The following HPSE2 variants were observed in gnomAD, a reference collection of about 807,000 sequenced individuals.
HPSE2 encodes heparanase 2 (inactive), also known as inactive heparanase-2.
Under a neutral mutation model 60.5 loss-of-function variants are expected in HPSE2, and 38 were observed. That is an observed-to-expected ratio of 0.63 (90% confidence interval 0.48 to 0.82). The LOEUF is 0.82. Ranked by LOEUF, HPSE2 falls within the 40% of genes least tolerant of loss-of-function variation. The pLI is 0.00. For synonymous variants in HPSE2, 295 were observed against 293.2 expected (o/e 1.01, Z -0.06); for missense variants, 713 against 740.4 (o/e 0.96, Z 0.43).
intron 9 of HPSE2, among the ~76,000 whole-genome samples, chr10:98,545,788 G>A (rs1357025252): frequency 6.6e-6 from 1 of 151,358 alleles, no homozygotes; most frequent in African/African-American, 2.4e-5. Flanking sequence ...ACATAGTGTT[G>A]GAAGTTCTGG....
chr10:99,289,807 T>C, the HPSE2 span, among the ~76,000 whole-genome samples: 1 of 152,210 alleles, frequency 6.6e-6, no homozygotes, highest in Admixed American at 6.5e-5. Context: ...AATTAAATTA[T>C]GGTTTCAGTT....
chr10:99,134,130 G>T (rs888442536), intron 3 of HPSE2, among the ~76,000 whole-genome samples: 2 of 152,156 alleles, frequency 1.3e-5, no homozygotes, highest in Admixed American at 1.3e-4. Flanking sequence ...ATCAGTAATT[G>T]AAGATCAACT....
chr10:98,531,132 T>A (rs1270682074), intron 9 of HPSE2, among the ~76,000 whole-genome samples: 1 of 152,148 alleles, frequency 6.6e-6, no homozygotes, highest in Non-Finnish European at 1.5e-5. Flanking sequence ...AAGACAGATA[T>A]TAAGTGACCA....
chr10:99,030,977 A>T (rs1957485705), intron 3 of HPSE2, among the ~76,000 whole-genome samples: 2 of 152,196 alleles, frequency 1.3e-5, no homozygotes, highest in South Asian at 4.1e-4. Flanking sequence ...TGGTTACCAG[A>T]GGCTGAAAAG....
intron 4 of HPSE2, among the ~76,000 whole-genome samples, chr10:98,738,671 A>T (rs1475471959): frequency 6.6e-6 from 1 of 152,258 alleles, no homozygotes; most frequent in Admixed American, 6.5e-5. Context: ...GGATATGAAC[A>T]GACACTTTTC....
the HPSE2 span, among the ~76,000 whole-genome samples, chr10:99,303,673 A>G: frequency 6.6e-6 from 1 of 152,174 alleles, no homozygotes. Flanking sequence ...AGGACACCAC[A>G]AACTACATAT....
intron 5 of HPSE2, among the ~76,000 whole-genome samples, chr10:98,711,497 G>C (rs1263511782): frequency 6.6e-6 from 1 of 152,110 alleles, no homozygotes; most frequent in Non-Finnish European, 1.5e-5. Context: ...ATGGGCCCCA[G>C]AGTCAGACAC....
chr10:99,107,877 G>C (rs1476771522), intron 3 of HPSE2, among the ~76,000 whole-genome samples: 1 of 152,068 alleles, frequency 6.6e-6, no homozygotes, highest in Non-Finnish European at 1.5e-5. Context: ...GTATTTCCTG[G>C]ATTCATTATT....
At chr10:98,925,364 C>CGCT (rs1954422744) in intron 3 of HPSE2, among the ~76,000 whole-genome samples, 1 of 147,466 alleles carries the variant, frequency 6.8e-6, no homozygotes, top group African/African-American at 2.5e-5. Flanking sequence ...TTTTAATTGG[C>CGCT]TTTTTTTTTT....
intron 6 of HPSE2, among the ~76,000 whole-genome samples, chr10:98,676,241 T>G (rs950448556): frequency 6.6e-6 from 1 of 152,200 alleles, no homozygotes; most frequent in African/African-American, 2.4e-5. Flanking sequence ...TTTCTCAAAC[T>G]TTCCCTCCTT....
intron 3 of HPSE2, among the ~76,000 whole-genome samples, chr10:98,801,675 G>C (rs1015053024): frequency 4.0e-5 from 6 of 151,758 alleles, no homozygotes; most frequent in African/African-American, 1.5e-4. Flanking sequence ...ATAAAACACT[G>C]ATGAAAAAAA....
rs190724849 is a variant in HPSE2 at position 99,088,766 on chromosome 10, T to C, written c.610+55472A>G. Among the ~76,000 whole-genome samples the C allele has an allele frequency of 2.6e-5, 4 of 152,334 alleles. No individual in the cohort carries two copies. The East Asian group carries it at 7.7e-4, about 29-fold the overall frequency. ...AATGGTAGATCTACTTTTAGTTCTT[T>C]AAGGAATCTCCACACTGTTTTCTGT... On this transcript the variant is annotated intron_variant, in intron 3 of 11. Transcript: ENST00000370552.
intron 3 of HPSE2, among the ~76,000 whole-genome samples, chr10:98,940,496 A>G (rs1227752454): frequency 2.1e-5 from 3 of 144,172 alleles, no homozygotes; most frequent in Non-Finnish European, 4.5e-5. Context: ...AAATGGATAA[A>G]TTCCTCCACA....
chr10:98,550,370 T>C (rs1345263394), intron 9 of HPSE2, among the ~76,000 whole-genome samples: 1 of 152,070 alleles, frequency 6.6e-6, no homozygotes, highest in African/African-American at 2.4e-5. Context: ...ACTGCCTCAC[T>C]GCAACCTCAA....
At chr10:98,904,109 C>T (rs1034504879) in intron 3 of HPSE2, among the ~76,000 whole-genome samples, 2 of 152,048 alleles carry the variant, frequency 1.3e-5, no homozygotes, top group Non-Finnish European at 2.9e-5. Context: ...TATTATAGTA[C>T]ACTGTGATAT....
At chr10:99,112,577 C>T (rs968145071) in intron 3 of HPSE2, among the ~76,000 whole-genome samples, 2 of 152,112 alleles carry the variant, frequency 1.3e-5, no homozygotes, top group African/African-American at 4.8e-5. Context: ...GCGTGAGCCA[C>T]CGTGCCCGGC....
chr10:98,802,861 G>C (rs1950948752), intron 3 of HPSE2, among the ~76,000 whole-genome samples: 1 of 145,110 alleles, frequency 6.9e-6, no homozygotes, highest in South Asian at 2.3e-4. Context: ...GGGTCAAATG[G>C]TATTTCTAGT....
At chr10:98,721,626 G>T (rs750635979) in intron 5 of HPSE2, 31 bp downstream of exon 5, 3 of 1,590,044 alleles carry the variant, frequency 1.9e-6, no homozygotes, top group South Asian at 2.2e-5. Context: ...AATGAACAAT[G>T]TCATAAGAAA....
intron 9 of HPSE2, among the ~76,000 whole-genome samples, chr10:98,603,839 C>A (rs917425099): frequency 1.3e-5 from 2 of 152,114 alleles, no homozygotes; most frequent in Non-Finnish European, 2.9e-5. Flanking sequence ...AAATACCCAA[C>A]TCCAGTCAGC....
Sources: gnomAD v4.1 joint callset for allele counts (sites outside exome capture counted in the v4.1 genomes callset) on GRCh38, gnomAD v4.1.1 for gene constraint, MANE v1.5 for transcripts, NCBI Gene and HGNC (gene_info 2026-07-23, HGNC 2026-07-21) for gene names.